The following CSNK1A1 variants were observed in gnomAD, a reference collection of about 807,000 sequenced individuals.
The protein encoded by CSNK1A1 is casein kinase I isoform alpha.
In CSNK1A1, 7 loss-of-function variants were observed where a neutral mutation model predicts 46.1. That is an observed-to-expected ratio of 0.15 (90% CI 0.09 to 0.29). The LOEUF is 0.29. Ranked by LOEUF, CSNK1A1 falls within the 10% of genes least tolerant of loss-of-function variation. The probability of loss-of-function intolerance (pLI) is 1.00; values close to 1 mark genes in which losing one functional copy is unlikely to be tolerated. For synonymous variants in CSNK1A1, 137 were observed against 141.5 expected, an observed-to-expected ratio of 0.97 and a Z score of 0.23; for missense variants, 96 against 417.1, an observed-to-expected ratio of 0.23 and a Z score of 6.71.
At chr5:149,511,670 G>A (rs1313353593) in intron 6 of CSNK1A1, 124 bp downstream of exon 6, 41 of 680,104 alleles carry the variant, frequency 6.0e-5, no homozygotes, top group Admixed American at 3.1e-5. Flanking sequence ...AGTAAATTAA[G>A]GTTAATTCTT....
At chr5:149,545,557 G>A in intron 2 of CSNK1A1, 1 of 691,322 alleles carries the variant, frequency 1.4e-6, no homozygotes, top group Non-Finnish European at 2.6e-6. Flanking sequence ...GACAATGTAG[G>A]CAAGTCAATC....
At chr5:149,549,624 T>A (rs769765582) in intron 2 of CSNK1A1, 1 of 663,258 alleles carries the variant, frequency 1.5e-6, no homozygotes, top group African/African-American at 1.8e-5. Flanking sequence ...GAGGAAGACA[T>A]GTTGGAACAA....
chr5:149,497,983 G>A (rs1126632), intron 9 of CSNK1A1: 2 of 616,786 alleles, frequency 3.2e-6, no homozygotes, highest in Non-Finnish European at 4.1e-6. Context: ...ATAGGTGCCT[G>A]CCACCATGCC....
rs917909836 is a variant in CSNK1A1 at position 149,551,222 on chromosome 5, G to A, written c.-258C>T. ...ACCAGGCTGGGCCACTTGTTTCTCG[G>A]CGGCCGCCGCTGCCTCGCTTGCGCG... On this transcript the variant is annotated 5_prime_UTR_variant, in exon 1 of 10. Coordinates refer to ENST00000377843, the MANE Select transcript of CSNK1A1 (RefSeq NM_001892.6). 3 of 334,074 alleles carry A rather than the reference G, an allele frequency of 9.0e-6. No homozygotes were observed. Among genetic ancestry groups the A allele is most frequent in the African/African-American group, 6.5e-5 (3 of 46,434 alleles). The allele number at this position is 334,074 out of a possible 1,614,324, so 20.7% of individuals were successfully genotyped here.
chr5:149,520,424 G>T, intron 3 of CSNK1A1, 36 bp from the exon 4 acceptor site: 1 of 1,201,534 alleles, frequency 8.3e-7, no homozygotes, highest in Non-Finnish European at 1.2e-6. Context: ...ATTGAGTTAA[G>T]TAGTAAATGA....
At chr5:149,504,907 GAAGA>G (rs1760976752) in intron 9 of CSNK1A1, 1 of 985,372 alleles carries the variant, frequency 1.0e-6, no homozygotes, top group Non-Finnish European at 1.2e-6. Context: ...CTGCAACTGA[GAAGA>G]TAGACACTTT....
At chr5:149,513,697 C>A (rs1349525355) in intron 4 of CSNK1A1, among the ~76,000 whole-genome samples, 4 of 152,008 alleles carry the variant, frequency 2.6e-5, no homozygotes, top group African/African-American at 9.7e-5. Context: ...GTCAGGAGTT[C>A]AAGACCAGCC....
intron 5 of CSNK1A1, among the ~76,000 whole-genome samples, chr5:149,512,572 G>T (rs1761263122): frequency 6.6e-6 from 1 of 152,144 alleles, no homozygotes; most frequent in Non-Finnish European, 1.5e-5. Context: ...GAAGAGAGCA[G>T]AGACTGTTAC....
At position 149,495,879 on chromosome 5, in the gene CSNK1A1, C is replaced by A. The variant is rs1481121309; in HGVS notation, c.*974G>T. The stretch of plus-strand genomic sequence containing the variant: ...CCTAAATTGACTTGCAAAGGAATAC[C>A]ATGTAACAAATGGCTTGAAGTAGTC... On this transcript the variant is annotated 3_prime_UTR_variant, in exon 10 of 10. Transcript: ENST00000377843. 1 of 151,848 alleles carries A rather than the reference C, an allele frequency of 6.6e-6. No homozygotes were observed. Among genetic ancestry groups the A allele is most frequent in the East Asian group, 1.9e-4 (1 of 5,158 alleles). 9.4% of individuals were successfully genotyped at this position (151,848 alleles called of 1,614,324 possible).
Position 149,525,270 on chromosome 5 carries a change from T to C in CSNK1A1, c.231-99A>G. On this transcript the variant is annotated intron_variant, in intron 2 of 9. Transcript: ENST00000377843. This position sits in a 1 kb window ranked among gnomAD's most constrained non-coding sequence, Gnocchi z 4.2. ...TAGTTTTCTTTCACTGACTAGGTAT[T>C]ATATAAGGCGAATGTTCCCCTACTC... 1 of 1,202,228 alleles carries C rather than the reference T, an allele frequency of 8.3e-7. No homozygotes were observed. Among genetic ancestry groups the C allele is most frequent in the Non-Finnish European group, 1.1e-6 (1 of 894,708 alleles). 74.5% of individuals were successfully genotyped at this position (1,202,228 alleles called of 1,614,324 possible).
intron 9 of CSNK1A1, chr5:149,502,470 C>T: frequency 7.2e-6 from 2 of 279,550 alleles, no homozygotes; most frequent in Non-Finnish European, 1.0e-5. Context: ...AGCCTCCCAA[C>T]ACAGCTGGGA....
At position 149,496,796 on chromosome 5, in the gene CSNK1A1, G is replaced by T; in HGVS notation, c.*57C>A. On this transcript the variant is annotated 3_prime_UTR_variant, in exon 10 of 10. Coordinates refer to ENST00000377843, the MANE Select transcript of CSNK1A1 (RefSeq NM_001892.6). ...ATGAACTAAAATTTCTAGATTTGGGGAGAAACAAATGCTGCTCCGATCATC... is the reference window on the plus strand; with the variant it reads ...ATGAACTAAAATTTCTAGATTTGGGTAGAAACAAATGCTGCTCCGATCATC... 1 of 1,544,184 alleles carries T rather than the reference G, an allele frequency of 6.5e-7. No homozygotes were observed. The highest frequency in any genetic ancestry group is 2.4e-5 in the East Asian group (1 of 41,698).
At chr5:149,503,541 T>G (rs1022395852) in intron 9 of CSNK1A1, 1 of 984,912 alleles carries the variant, frequency 1.0e-6, no homozygotes, top group African/African-American at 1.7e-5. Context: ...ATAATTTGTA[T>G]GACCATTGTC....
At chr5:149,500,099 G>A (rs1233177743) in intron 9 of CSNK1A1, among the ~76,000 whole-genome samples, 3 of 141,448 alleles carry the variant, frequency 2.1e-5, no homozygotes, top group Non-Finnish European at 4.5e-5. Flanking sequence ...CTCTCAAGTA[G>A]CTGGGACTAC....
chr5:149,501,034 T>TC, intron 9 of CSNK1A1: 2 of 985,396 alleles, frequency 2.0e-6, no homozygotes, highest in Admixed American at 6.1e-5. Context: ...ATTGATTCTT[T>TC]CCCCAGCTGG....
intron 2 of CSNK1A1, among the ~76,000 whole-genome samples, chr5:149,531,343 T>G (rs1035846077): frequency 1.5e-4 from 23 of 151,808 alleles, no homozygotes; most frequent in African/African-American, 5.1e-4. Context: ...GAGACCAGCC[T>G]AACCAACATG....
chr5:149,540,519 T>C (rs974793046), intron 2 of CSNK1A1, among the ~76,000 whole-genome samples: 2 of 152,206 alleles, frequency 1.3e-5, no homozygotes, highest in African/African-American at 2.4e-5. Flanking sequence ...TTTTGTCAGA[T>C]AAATCCTATA....
intron 4 of CSNK1A1, among the ~76,000 whole-genome samples, chr5:149,519,773 C>G (rs1761512619): frequency 6.6e-6 from 1 of 152,126 alleles, no homozygotes; most frequent in South Asian, 2.1e-4. Flanking sequence ...CAAAAGTTAC[C>G]CTTTTAAATA....
intron 2 of CSNK1A1, among the ~76,000 whole-genome samples, chr5:149,531,774 C>T (rs1012685889): frequency 1.6e-4 from 24 of 149,868 alleles, no homozygotes; most frequent in African/African-American, 4.2e-4. Context: ...AGGAGGCAGA[C>T]GCTGCAGTGG....
Sources: gnomAD v4.1 joint callset for allele counts (sites outside exome capture counted in the v4.1 genomes callset) on GRCh38, gnomAD v4.1.1 for gene constraint, Gnocchi (gnomAD v3.1) non-coding constraint, MANE v1.5 for transcripts, NCBI Gene and HGNC (gene_info 2026-07-23, HGNC 2026-07-21) for gene names.